The following ADARB2 variants were observed in gnomAD, a reference collection of about 807,000 sequenced individuals.
ADARB2 encodes the protein inactive double-stranded RNA-specific editase B2.
A neutral mutation model predicts 62.2 loss-of-function variants in ADARB2; 25 were observed. That is an observed-to-expected ratio of 0.40 (90% CI 0.29 to 0.56). The LOEUF (loss-of-function observed/expected upper bound fraction) is 0.56, where lower values mean the gene tolerates loss of function less well. Ranked by LOEUF, ADARB2 falls within the 20% of genes least tolerant of loss-of-function variation. The pLI, the probability that ADARB2 is intolerant of heterozygous loss-of-function variation, is 0.43. For missense variants in ADARB2, 1,071 were observed against 1,077.4 expected (o/e 0.99, Z 0.08); for synonymous variants, 572 against 500.8 (o/e 1.14, Z -1.90).
intron 3 of ADARB2, among the ~76,000 whole-genome samples, chr10:1,328,230 C>T (rs1030787314): frequency 1.2e-4 from 19 of 152,164 alleles, no homozygotes; most frequent in African/African-American, 4.1e-4. Flanking sequence ...GGCACAGGGA[C>T]CCCTCTATGG....
At chr10:1,390,626 C>T (rs753199502) in intron 1 of ADARB2, among the ~76,000 whole-genome samples, 32 of 152,332 alleles carry the variant, frequency 2.1e-4, no homozygotes, top group South Asian at 8.3e-4. Context: ...CTCTACTTAT[C>T]GGACTTTGGG....
At chr10:1,431,901 A>G (rs1016858090) in intron 1 of ADARB2, among the ~76,000 whole-genome samples, 5 of 152,214 alleles carry the variant, frequency 3.3e-5, no homozygotes, top group African/African-American at 1.2e-4. Context: ...ACCAAGATGG[A>G]ATAGCTAACC....
chr10:1,430,377 A>C (rs1280813129), intron 1 of ADARB2, among the ~76,000 whole-genome samples: 2 of 152,260 alleles, frequency 1.3e-5, no homozygotes, highest in Admixed American at 6.5e-5. Context: ...TGGAAGATTT[A>C]AGCCTTGATA....
chr10:1,274,241 C>T (rs1008239480), intron 3 of ADARB2, among the ~76,000 whole-genome samples: 2 of 152,272 alleles, frequency 1.3e-5, no homozygotes, highest in Non-Finnish European at 2.9e-5. Flanking sequence ...ACTTCCCCAG[C>T]TCAGGCAGTG....
At chr10:1,200,869 G>A (rs187857921) in intron 7 of ADARB2, among the ~76,000 whole-genome samples, 3 of 152,090 alleles carry the variant, frequency 2.0e-5, no homozygotes, top group African/African-American at 7.2e-5. Flanking sequence ...AGCAGCAAGC[G>A]TTACGTAGCT....
In ADARB2 at chr10:1,673,471, CA is replaced by C. The variant is rs576128824; in HGVS notation, c.100+63579del. On this transcript the variant is annotated intron_variant, in intron 1 of 9. Transcript: ENST00000381312. The stretch of plus-strand genomic sequence containing the variant: ...TATTGATGAAGCCCTGTCGTTGAAA[CA>C]AAAAGTTTGTAAGGATAAATCTTGC... Among the ~76,000 whole-genome samples the C allele has an allele frequency of 3.6e-3, 549 of 152,088 alleles. 6 individuals are homozygous for C. Among genetic ancestry groups the C allele is most frequent in the African/African-American group, 0.012 (514 of 41,468 alleles).
chr10:1,584,408 A>G (rs1476530331), intron 1 of ADARB2, among the ~76,000 whole-genome samples: 1 of 152,178 alleles, frequency 6.6e-6, no homozygotes, highest in Non-Finnish European at 1.5e-5. Context: ...TACACCCCTA[A>G]TAGCATGGCC....
intron 1 of ADARB2, among the ~76,000 whole-genome samples, chr10:1,633,273 T>C (rs1203884635): frequency 6.6e-6 from 1 of 152,064 alleles, no homozygotes; most frequent in Non-Finnish European, 1.5e-5. Context: ...ATGAGCCAGT[T>C]CCCATAATAA....
intron 1 of ADARB2, among the ~76,000 whole-genome samples, chr10:1,490,906 T>C (rs1831613862): frequency 6.6e-6 from 1 of 152,178 alleles, no homozygotes; most frequent in African/African-American, 2.4e-5. Context: ...TAGGATGCCA[T>C]GTCTAAGCCT....
chr10:1,234,831 C>T (rs916650329), intron 5 of ADARB2, among the ~76,000 whole-genome samples: 17 of 141,884 alleles, frequency 1.2e-4, no homozygotes, highest in African/African-American at 3.4e-4. Flanking sequence ...TCACTGCAAC[C>T]TCTGCCTCCT....
intron 1 of ADARB2, among the ~76,000 whole-genome samples, chr10:1,723,376 T>C (rs1368694209): frequency 6.6e-6 from 1 of 152,164 alleles, no homozygotes; most frequent in African/African-American, 2.4e-5. Flanking sequence ...AGGGCCTTGG[T>C]CCCTTCTTAA....
At chr10:1,633,234 T>C (rs1177426839) in intron 1 of ADARB2, among the ~76,000 whole-genome samples, 1 of 152,164 alleles carries the variant, frequency 6.6e-6, no homozygotes, top group Non-Finnish European at 1.5e-5. Context: ...CAAGCAGGGA[T>C]TGAGGGACGT....
chr10:1,336,201 G>T (rs143789827), intron 3 of ADARB2, among the ~76,000 whole-genome samples: 2 of 152,260 alleles, frequency 1.3e-5, no homozygotes, highest in Non-Finnish European at 2.9e-5. Flanking sequence ...ATCCTGTAAC[G>T]CATTTAAGAT....
chr10:1,722,026 C>T (rs1225515315), intron 1 of ADARB2, among the ~76,000 whole-genome samples: 2 of 152,010 alleles, frequency 1.3e-5, no homozygotes, highest in Non-Finnish European at 2.9e-5. Flanking sequence ...AGAAGTCCTA[C>T]CTGTGAGTGT....
At chr10:1,710,072 C>A (rs1834932266) in intron 1 of ADARB2, among the ~76,000 whole-genome samples, 1 of 152,206 alleles carries the variant, frequency 6.6e-6, no homozygotes, top group Admixed American at 6.5e-5. Flanking sequence ...TTGTCCTAAA[C>A]TTCCACGCCT....
At chr10:1,705,807 G>A (rs185695983) in intron 1 of ADARB2, among the ~76,000 whole-genome samples, 6 of 152,312 alleles carry the variant, frequency 3.9e-5, no homozygotes, top group African/African-American at 1.2e-4. Context: ...GACTCACAGG[G>A]ACAATGAGAG....
At chr10:1,666,456 G>C (rs1484283057) in intron 1 of ADARB2, among the ~76,000 whole-genome samples, 1 of 152,236 alleles carries the variant, frequency 6.6e-6, no homozygotes, top group Non-Finnish European at 1.5e-5. Context: ...AGACAGCTCA[G>C]ACTGTGTTCC....
At chr10:1,434,875 C>T (rs1383215799) in intron 1 of ADARB2, among the ~76,000 whole-genome samples, 1 of 152,174 alleles carries the variant, frequency 6.6e-6, no homozygotes, top group Non-Finnish European at 1.5e-5. Context: ...GTTGGTCTGG[C>T]GATAGTTTCT....
At chr10:1,474,518 G>A (rs1275638388) in intron 1 of ADARB2, among the ~76,000 whole-genome samples, 2 of 152,234 alleles carry the variant, frequency 1.3e-5, no homozygotes, top group African/African-American at 4.8e-5. Flanking sequence ...AAGCAGGACT[G>A]TGAACTGAGT....
Sources: allele counts gnomAD v4.1 joint callset (sites outside exome capture counted in the v4.1 genomes callset), GRCh38; gene constraint gnomAD v4.1.1; transcripts MANE v1.5; gene names NCBI Gene and HGNC (gene_info 2026-07-23, HGNC 2026-07-21).